The following SYT16 variants were observed in gnomAD, a reference collection of about 807,000 sequenced individuals.
SYT16 encodes synaptotagmin-16.
In SYT16, 42 loss-of-function variants were observed where a neutral mutation model predicts 61.4. The ratio of observed to expected loss-of-function variants is 0.68; its 90% confidence interval spans 0.53 to 0.89. The LOEUF (loss-of-function observed/expected upper bound fraction) is 0.89. Ranked by LOEUF, SYT16 falls within the 40% of genes least tolerant of loss-of-function variation. The pLI is 0.00. For missense variants in SYT16, 804 were observed against 807.3 expected, an observed-to-expected ratio of 1.00 and a Z score of 0.05; for synonymous variants, 314 against 302.3, an observed-to-expected ratio of 1.04 and a Z score of -0.40.
intron 1 of SYT16, among the ~76,000 whole-genome samples, chr14:61,900,158 CTTTTTT>C (rs5809128): frequency 9.4e-6 from 1 of 106,734 alleles, no homozygotes. Flanking sequence ...TAAATTTCTG[CTTTTTT>C]TTTTTTTTTT....
intron 1 of SYT16, among the ~76,000 whole-genome samples, chr14:61,936,357 T>G (rs1469609623): frequency 6.6e-6 from 1 of 151,996 alleles, no homozygotes; most frequent in East Asian, 1.9e-4. Flanking sequence ...TTAGTAGAAA[T>G]GAAAAAGTTG....
intron 2 of SYT16, among the ~76,000 whole-genome samples, chr14:61,994,589 A>G (rs1247599232): frequency 6.6e-6 from 1 of 152,170 alleles, no homozygotes; most frequent in African/African-American, 2.4e-5. Context: ...TGAATATAAC[A>G]GGGAAGGGAA....
At chr14:62,076,712 C>A (rs980408985) in intron 5 of SYT16, among the ~76,000 whole-genome samples, 9 of 152,220 alleles carry the variant, frequency 5.9e-5, no homozygotes, top group East Asian at 1.9e-4. Context: ...AGTTTACTAC[C>A]AAGCCGTATC....
chr14:61,940,184 G>A (rs557491956), intron 1 of SYT16, among the ~76,000 whole-genome samples: 6 of 152,124 alleles, frequency 3.9e-5, no homozygotes, highest in Admixed American at 2.0e-4. Flanking sequence ...CACGGGGTTA[G>A]CACATATTTT....
chr14:61,835,301 G>A (rs1029517824), intron 1 of SYT16, among the ~76,000 whole-genome samples: 13 of 132,120 alleles, frequency 9.8e-5, no homozygotes, highest in East Asian at 9.2e-4. Flanking sequence ...ATTGTCGCCC[G>A]GGGAAAGAGT....
intron 1 of SYT16, among the ~76,000 whole-genome samples, chr14:61,962,372 A>T (rs1051429581): frequency 5.9e-5 from 9 of 152,168 alleles, no homozygotes; most frequent in Admixed American, 5.2e-4. Context: ...TTCTGCTGGG[A>T]AATTATCTGA....
Position 61,812,711 on chromosome 14 carries a change from C to T in SYT16, c.-424C>T, listed in dbSNP as rs936681390. On this transcript the variant is annotated 5_prime_UTR_variant, in exon 1 of 8. Transcript: ENST00000683842. ...TGCGCGGCGCGGCCCCCGAGCGCAC[C>T]GGGCCTGCCGAGGAGCGCGCGCCCG... The T allele has an allele frequency of 2.2e-4, 33 of 148,040 alleles. No individual in the cohort carries two copies. Among genetic ancestry groups the T allele is most frequent in the Non-Finnish European group, 4.8e-4 (32 of 66,716 alleles). 9.2% of individuals were successfully genotyped at this position (148,040 alleles called of 1,614,324 possible).
intron 1 of SYT16, among the ~76,000 whole-genome samples, chr14:61,867,837 T>A (rs2140299207): frequency 6.6e-6 from 1 of 152,198 alleles, no homozygotes; most frequent in South Asian, 2.1e-4. Flanking sequence ...GGCAGTTTCC[T>A]TCTATTCCTA....
At chr14:62,081,929 T>A (rs1311788597) in intron 6 of SYT16, among the ~76,000 whole-genome samples, 1 of 152,186 alleles carries the variant, frequency 6.6e-6, no homozygotes, top group East Asian at 1.9e-4. Flanking sequence ...CAGAGATGTT[T>A]ACTGTCAATT....
At chr14:61,901,772 A>G (rs1268653449) in intron 1 of SYT16, among the ~76,000 whole-genome samples, 2 of 148,236 alleles carry the variant, frequency 1.3e-5, no homozygotes, top group South Asian at 2.1e-4. Flanking sequence ...AATTATTATT[A>G]TTATTATTTT....
intron 1 of SYT16, among the ~76,000 whole-genome samples, chr14:61,875,884 T>C (rs559634032): frequency 6.6e-6 from 1 of 152,316 alleles, no homozygotes; most frequent in East Asian, 1.9e-4. Flanking sequence ...TGTTCCTTTG[T>C]CCCAGGTGCC....
At chr14:61,858,377 A>G (rs1196396204) in intron 1 of SYT16, among the ~76,000 whole-genome samples, 1 of 152,178 alleles carries the variant, frequency 6.6e-6, no homozygotes, top group African/African-American at 2.4e-5. Flanking sequence ...GAGATTATAA[A>G]AAAATGGAAT....
intron 7 of SYT16, among the ~76,000 whole-genome samples, chr14:62,099,842 C>A (rs1220216142): frequency 6.6e-6 from 1 of 152,088 alleles, no homozygotes; most frequent in Non-Finnish European, 1.5e-5. Context: ...CATGCCACTG[C>A]ACCCCAGCCT....
At chr14:61,958,071 T>C (rs1334823515) in intron 1 of SYT16, among the ~76,000 whole-genome samples, 2 of 151,854 alleles carry the variant, frequency 1.3e-5, no homozygotes, top group Non-Finnish European at 2.9e-5. Flanking sequence ...GTCTAATTCA[T>C]TTATATGTAA....
chr14:61,848,034 G>A (rs577211045), intron 1 of SYT16, among the ~76,000 whole-genome samples: 1 of 152,254 alleles, frequency 6.6e-6, no homozygotes, highest in African/African-American at 2.4e-5. Context: ...ACATATTTCT[G>A]TCTCTCTCAG....
intron 2 of SYT16, among the ~76,000 whole-genome samples, chr14:61,982,369 G>A (rs1300516027): frequency 6.6e-6 from 1 of 152,096 alleles, no homozygotes; most frequent in Non-Finnish European, 1.5e-5. Flanking sequence ...CATGTGACTG[G>A]GGAGGCCTCA....
intron 1 of SYT16, among the ~76,000 whole-genome samples, chr14:61,922,223 A>G (rs2049359563): frequency 6.6e-6 from 1 of 152,242 alleles, no homozygotes; most frequent in Non-Finnish European, 1.5e-5. Context: ...CCATAAAGTC[A>G]CATGCATGTG....
At chr14:61,908,057 T>C (rs1043356700) in intron 1 of SYT16, among the ~76,000 whole-genome samples, 1 of 152,194 alleles carries the variant, frequency 6.6e-6, no homozygotes, top group African/African-American at 2.4e-5. Context: ...TACTTCACAG[T>C]CCTCACCTGA....
At chr14:61,908,089 G>C (rs1006621164) in intron 1 of SYT16, among the ~76,000 whole-genome samples, 15 of 152,232 alleles carry the variant, frequency 9.9e-5, no homozygotes, top group Non-Finnish European at 1.5e-4. Flanking sequence ...GGCCACCCCT[G>C]TAGGACAAGA....
Sources: allele counts gnomAD v4.1 joint callset (sites outside exome capture counted in the v4.1 genomes callset), GRCh38; gene constraint gnomAD v4.1.1; transcripts MANE v1.5; gene names NCBI Gene and HGNC (gene_info 2026-07-23, HGNC 2026-07-21).